ASIC2: variants seen among roughly 807,000 people sequenced by gnomAD.
The protein encoded by ASIC2 is acid-sensing ion channel 2.
A neutral mutation model predicts 57.3 loss-of-function variants in ASIC2; 25 were observed. The observed-to-expected ratio is 0.44, with a 90% CI of 0.32 to 0.61. The LOEUF is 0.61. ASIC2 is among the 20% of genes least tolerant of loss of function. The pLI is 0.06. For missense variants in ASIC2, 641 were observed against 738.1 expected (o/e 0.87, Z 1.52); for synonymous variants, 319 against 307.5 (o/e 1.04, Z -0.39).
At chr17:33,598,964 T>C (rs1567665107) in intron 1 of ASIC2, among the ~76,000 whole-genome samples, 1 of 152,142 alleles carries the variant, frequency 6.6e-6, no homozygotes, top group South Asian at 2.1e-4. Flanking sequence ...ATAGCACCAT[T>C]TGGACTGTGT....
At chr17:34,137,739 A>G (rs1912163805) in intron 1 of ASIC2, among the ~76,000 whole-genome samples, 1 of 152,108 alleles carries the variant, frequency 6.6e-6, no homozygotes, top group Admixed American at 6.5e-5. Context: ...TGGCAGATTC[A>G]GTGTCTGGTG....
chr17:33,095,456 C>A (rs540016120), intron 2 of ASIC2, among the ~76,000 whole-genome samples: 3 of 152,330 alleles, frequency 2.0e-5, no homozygotes, highest in Admixed American at 1.3e-4. Flanking sequence ...CAGTGCCTGG[C>A]ATGCAGTAGG....
intron 1 of ASIC2, among the ~76,000 whole-genome samples, chr17:34,031,977 G>A (rs1045551779): frequency 4.6e-5 from 7 of 152,114 alleles, no homozygotes; most frequent in African/African-American, 1.2e-4. Context: ...ATCTAGCAAG[G>A]CAGACCAACA....
intron 1 of ASIC2, among the ~76,000 whole-genome samples, chr17:33,231,580 G>A (rs1317250445): frequency 6.6e-6 from 1 of 152,084 alleles, no homozygotes; most frequent in Non-Finnish European, 1.5e-5. Flanking sequence ...CAGACTTGAT[G>A]GGCCCTCACT....
At chr17:33,951,825 C>T (rs1222172996) in intron 1 of ASIC2, among the ~76,000 whole-genome samples, 1 of 151,310 alleles carries the variant, frequency 6.6e-6, no homozygotes, top group Non-Finnish European at 1.5e-5. Flanking sequence ...AACTCCTGAC[C>T]TTAAGTTATC....
chr17:33,037,735 C>T (rs1238131895), intron 3 of ASIC2, among the ~76,000 whole-genome samples: 4 of 152,130 alleles, frequency 2.6e-5, no homozygotes, highest in South Asian at 2.1e-4. Flanking sequence ...ATGATAATAA[C>T]GTTTATTTTT....
intron 1 of ASIC2, among the ~76,000 whole-genome samples, chr17:33,579,010 G>A (rs1016879625): frequency 6.6e-6 from 1 of 152,140 alleles, no homozygotes; most frequent in East Asian, 1.9e-4. Context: ...TAATGGTCAG[G>A]TGCGCTGTCT....
chr17:33,055,076 C>T (rs544460516), intron 3 of ASIC2, among the ~76,000 whole-genome samples: 1 of 152,298 alleles, frequency 6.6e-6, no homozygotes, highest in East Asian at 1.9e-4. Flanking sequence ...TTACCCCTTT[C>T]CCAGCACTCC....
chr17:33,861,938 C>A (rs1204340127), intron 1 of ASIC2, among the ~76,000 whole-genome samples: 1 of 152,192 alleles, frequency 6.6e-6, no homozygotes, highest in Non-Finnish European at 1.5e-5. Context: ...GTATTTAACT[C>A]CCTGTGCATA....
chr17:33,662,653 A>AAATG (rs1567682581), intron 1 of ASIC2, among the ~76,000 whole-genome samples: 2 of 144,774 alleles, frequency 1.4e-5, no homozygotes, highest in African/African-American at 2.6e-5. Context: ...ATAAATAAAT[A>AAATG]AATAAATAAA....
chr17:34,034,797 A>C (rs1331436431), intron 1 of ASIC2, among the ~76,000 whole-genome samples: 10 of 151,766 alleles, frequency 6.6e-5, no homozygotes, highest in African/African-American at 9.7e-5. Context: ...TAGGAATCCA[A>C]CTTATAAGGG....
chr17:33,790,062 T>C (rs1227644781), intron 1 of ASIC2, among the ~76,000 whole-genome samples: 1 of 152,250 alleles, frequency 6.6e-6, no homozygotes, highest in African/African-American at 2.4e-5. Flanking sequence ...ACATTTTTCA[T>C]TGATGCCTAA....
At chr17:33,628,572 A>G (rs920516064) in intron 1 of ASIC2, among the ~76,000 whole-genome samples, 2 of 152,080 alleles carry the variant, frequency 1.3e-5, no homozygotes, top group Non-Finnish European at 2.9e-5. Flanking sequence ...TGAGGGTTAC[A>G]GGTGTGAGCC....
chr17:33,593,253 A>G (rs575781242), intron 1 of ASIC2, among the ~76,000 whole-genome samples: 7 of 152,284 alleles, frequency 4.6e-5, no homozygotes, highest in Admixed American at 2.6e-4. Context: ...CTGGCTGATA[A>G]ATGAATTTTC....
chr17:33,612,986 A>C (rs1285515533), intron 1 of ASIC2, among the ~76,000 whole-genome samples: 1 of 152,192 alleles, frequency 6.6e-6, no homozygotes, highest in Non-Finnish European at 1.5e-5. Context: ...TGAGCAGACA[A>C]TGCAGGCAGG....
intron 1 of ASIC2, among the ~76,000 whole-genome samples, chr17:33,181,110 GGTCAT>G (rs1195343050): frequency 3.3e-5 from 5 of 152,104 alleles, no homozygotes; most frequent in African/African-American, 1.2e-4. Flanking sequence ...ATCCACCAGG[GGTCAT>G]GTCTAGTCAA....
At chr17:33,228,234 CT>C (rs758112467) in intron 1 of ASIC2, among the ~76,000 whole-genome samples, 18 of 152,252 alleles carry the variant, frequency 1.2e-4, no homozygotes, top group Non-Finnish European at 1.8e-4. Flanking sequence ...ATAAAATGCT[CT>C]GGAACTAGAC....
chr17:33,269,816 G>A (rs1904413020), intron 1 of ASIC2, among the ~76,000 whole-genome samples: 1 of 148,638 alleles, frequency 6.7e-6, no homozygotes, highest in African/African-American at 2.5e-5. Context: ...ACTAGGAATG[G>A]TAGTAAAACT....
intron 1 of ASIC2, among the ~76,000 whole-genome samples, chr17:33,128,664 A>C (rs2092333931): frequency 6.6e-6 from 1 of 152,146 alleles, no homozygotes; most frequent in African/African-American, 2.4e-5. Context: ...TTGTATCCCC[A>C]TTGGATTTGG....
Sources: gnomAD v4.1 joint callset for allele counts (sites outside exome capture counted in the v4.1 genomes callset) on GRCh38, gnomAD v4.1.1 for gene constraint, MANE v1.5 for transcripts, NCBI Gene and HGNC (gene_info 2026-07-23, HGNC 2026-07-21) for gene names.